Variants in CACNA1A observed in about 807,000 individuals in gnomAD.
The protein encoded by CACNA1A is calcium voltage-gated channel subunit alpha1 A.
A neutral mutation model predicts 262.4 loss-of-function variants in CACNA1A; 57 were observed. The observed-to-expected ratio is 0.22, with a 90% CI of 0.18 to 0.27. CACNA1A has a LOEUF of 0.27. Among genes scored for constraint, CACNA1A ranks in the 10% least tolerant of loss-of-function variants. The pLI is 1.00. For missense variants in CACNA1A, 2,526 were observed against 3,562.8 expected, an observed-to-expected ratio of 0.71 and a Z score of 7.41; for synonymous variants, 1,431 against 1,419.3, an observed-to-expected ratio of 1.01 and a Z score of -0.18.
At position 13,386,510 on chromosome 19, in the gene CACNA1A, C is replaced by T. The variant is rs374606837; in HGVS notation, c.540-14731G>A. Among the ~76,000 whole-genome samples, 13 of 152,094 alleles carry T rather than the reference C, an allele frequency of 8.5e-5. No individual in the cohort carries two copies. In the East Asian group the frequency reaches 1.4e-3, roughly 16 times the overall value. ...CCTTAGAACTGAGGCAGTCATCGGC[C>T]GGGCACAGTGGCTCACGCCTGTAAT... On this transcript the variant is annotated intron_variant, in intron 3 of 46. Coordinates refer to ENST00000360228, the MANE Select transcript of CACNA1A (RefSeq NM_001127222.2).
intron 19 of CACNA1A, among the ~76,000 whole-genome samples, chr19:13,287,948 C>A (rs1264857436): frequency 6.6e-6 from 1 of 152,054 alleles, no homozygotes. Flanking sequence ...GCTACAGGCT[C>A]ACGCCACCAT....
At chr19:13,481,143 TTG>T (rs1979255939) in intron 1 of CACNA1A, among the ~76,000 whole-genome samples, 1 of 152,206 alleles carries the variant, frequency 6.6e-6, no homozygotes, top group Non-Finnish European at 1.5e-5. Context: ...GCCTGGCATA[TTG>T]ACCAGAACTC....
intron 35 of CACNA1A, among the ~76,000 whole-genome samples, chr19:13,230,570 C>G (rs1364243946): frequency 6.6e-6 from 1 of 151,888 alleles, no homozygotes; most frequent in African/African-American, 2.4e-5. Flanking sequence ...TTTGGGAGGC[C>G]GAGGTGGACA....
At chr19:13,502,808 G>A (rs1982543399) in intron 1 of CACNA1A, among the ~76,000 whole-genome samples, 1 of 152,170 alleles carries the variant, frequency 6.6e-6, no homozygotes, top group South Asian at 2.1e-4. Flanking sequence ...CCCGAGTGTG[G>A]AGAAAGCAAG....
intron 6 of CACNA1A, among the ~76,000 whole-genome samples, chr19:13,346,670 T>A (rs1205492627): frequency 1.2e-3 from 19 of 15,292 alleles, no homozygotes; most frequent in South Asian, 5.4e-3. Context: ...ATATATATTT[T>A]TTTTTTTTTT....
At chr19:13,373,353 T>A (rs530757795) in intron 3 of CACNA1A, among the ~76,000 whole-genome samples, 7 of 152,258 alleles carry the variant, frequency 4.6e-5, no homozygotes, top group African/African-American at 1.7e-4. Context: ...GGGGCTTGGG[T>A]CTTAACACTT....
In CACNA1A at chr19:13,229,922, G is replaced by A. The variant is rs888604363; in HGVS notation, c.5528+160C>T. The A allele has an allele frequency of 7.6e-6, 6 of 785,366 alleles. No homozygotes were observed. In the Admixed American group the frequency reaches 8.9e-5, roughly 12 times the overall value. 48.6% of individuals were successfully genotyped at this position (785,366 alleles called of 1,614,324 possible). ...TACGTGTTTAATCTGGGGTATGCAA[G>A]GGTGATGATTCTTATATCTTCTCTC... On this transcript the variant is annotated intron_variant, in intron 36 of 46. Coordinates refer to ENST00000360228, the MANE Select transcript of CACNA1A (RefSeq NM_001127222.2).
intron 25 of CACNA1A, 177 bp downstream of exon 25, chr19:13,262,552 GTCAGC>G: frequency 1.7e-6 from 1 of 587,698 alleles, no homozygotes; most frequent in Non-Finnish European, 3.1e-6. Context: ...ATTATTTTAG[GTCAGC>G]TCACTTTACT....
chr19:13,255,986 CTCCT>C (rs1371086528), intron 28 of CACNA1A, among the ~76,000 whole-genome samples: 153 of 145,846 alleles, frequency 1.0e-3, no homozygotes, highest in Non-Finnish European at 1.7e-3. Flanking sequence ...CCCTCCCTCC[CTCCT>C]TCCTTTTTTT....
chr19:13,217,376 C>T (rs1419054556), intron 38 of CACNA1A, among the ~76,000 whole-genome samples: 1 of 152,164 alleles, frequency 6.6e-6, no homozygotes, highest in Non-Finnish European at 1.5e-5. Flanking sequence ...CCTTAGCCTG[C>T]TGGAAAGGAA....
intron 24 of CACNA1A, among the ~76,000 whole-genome samples, chr19:13,270,276 G>A (rs894900751): frequency 6.6e-6 from 1 of 152,128 alleles, no homozygotes; most frequent in Non-Finnish European, 1.5e-5. Context: ...GACCTGGAGG[G>A]ACAATTTCTT....
intron 3 of CACNA1A, among the ~76,000 whole-genome samples, chr19:13,444,404 G>T (rs1036776387): frequency 1.3e-5 from 2 of 152,150 alleles, no homozygotes; most frequent in African/African-American, 2.4e-5. Flanking sequence ...GGTGCATGGG[G>T]CAGGGGTGAA....
chr19:13,421,341 T>TATAC (rs2060311875), intron 3 of CACNA1A, among the ~76,000 whole-genome samples: 1 of 152,150 alleles, frequency 6.6e-6, no homozygotes, highest in Non-Finnish European at 1.5e-5. Flanking sequence ...ATTAATTATG[T>TATAC]ACCCAGGAAG....
chr19:13,221,045 C>T (rs1161386991), intron 38 of CACNA1A, among the ~76,000 whole-genome samples: 1 of 150,410 alleles, frequency 6.6e-6, no homozygotes, highest in East Asian at 2.0e-4. Context: ...GGCCTTGGCT[C>T]TTCCTCCCTT....
intron 3 of CACNA1A, among the ~76,000 whole-genome samples, chr19:13,374,210 G>A (rs978984390): frequency 3.9e-5 from 6 of 152,118 alleles, no homozygotes; most frequent in African/African-American, 1.4e-4. Context: ...GCCAGAGTAG[G>A]CAGGGGCCAT....
At chr19:13,327,232 C>T (rs1036807994) in intron 10 of CACNA1A, among the ~76,000 whole-genome samples, 1 of 152,032 alleles carries the variant, frequency 6.6e-6, no homozygotes, top group Non-Finnish European at 1.5e-5. Flanking sequence ...TGATTCCTTG[C>T]CAGAATCCTG....
intron 1 of CACNA1A, among the ~76,000 whole-genome samples, chr19:13,493,590 A>T (rs1166307703): frequency 1.3e-5 from 2 of 152,248 alleles, no homozygotes; most frequent in African/African-American, 4.8e-5. Flanking sequence ...TGTCATCAAC[A>T]TCCTGAATAT....
intron 9 of CACNA1A, among the ~76,000 whole-genome samples, chr19:13,332,316 C>T (rs547305203): frequency 2.2e-4 from 34 of 152,072 alleles, no homozygotes; most frequent in African/African-American, 8.0e-4. Flanking sequence ...CAGAGAATTG[C>T]TTGAACCTGG....
At chr19:13,246,635 T>C (rs4926241) in intron 30 of CACNA1A, among the ~76,000 whole-genome samples, 2 of 131,606 alleles carry the variant, frequency 1.5e-5, no homozygotes, top group Non-Finnish European at 3.3e-5. Flanking sequence ...CTGTTTGTTT[T>C]TTTTTTTTGA....
Sources: allele counts gnomAD v4.1 joint callset (sites outside exome capture counted in the v4.1 genomes callset), GRCh38; gene constraint gnomAD v4.1.1; transcripts MANE v1.5; gene names NCBI Gene and HGNC (gene_info 2026-07-23, HGNC 2026-07-21).